COL23A1: variants seen among roughly 807,000 people sequenced by gnomAD.
COL23A1 encodes the protein collagen type XXIII alpha 1 chain, also known as collagen alpha-1(XXIII) chain.
A neutral mutation model predicts 99.3 loss-of-function variants in COL23A1; 97 were observed. The ratio of observed to expected loss-of-function variants is 0.98; its 90% CI spans 0.83 to 1.16. The LOEUF is 1.16. Ranked by LOEUF, COL23A1 falls within the 50% of genes most tolerant of loss-of-function variation. The pLI is 0.00. For missense variants in COL23A1, 762 were observed against 757.4 expected, an observed-to-expected ratio of 1.01 and a Z score of -0.07; for synonymous variants, 320 against 308.2, an observed-to-expected ratio of 1.04 and a Z score of -0.40.
chr5:178,252,608 G>C lies in COL23A1; in HGVS notation c.961-11C>G. On this transcript the variant is annotated splice_polypyrimidine_tract_variant and intron_variant, in intron 16 of 28. Transcript: ENST00000390654. Reference sequence around the variant, plus strand: ...TGGTCCGGGAGGCCCCTGTGTGTGAGAGTGAAGCCGGTCAGTGTCATGGGT... The same window carrying C: ...TGGTCCGGGAGGCCCCTGTGTGTGACAGTGAAGCCGGTCAGTGTCATGGGT... 1.2e-6 allele frequency: 2 copies of C among 1,606,822 alleles called. No homozygotes were observed. The highest frequency in any genetic ancestry group is 1.7e-6 in the Non-Finnish European group (2 of 1,176,752).
chr5:178,504,373 G>T (rs960638676), intron 2 of COL23A1, among the ~76,000 whole-genome samples: 1 of 152,220 alleles, frequency 6.6e-6, no homozygotes, highest in Non-Finnish European at 1.5e-5. Flanking sequence ...GACTCAGGAG[G>T]CCTGGCCTGG....
chr5:178,553,250 G>A (rs1361283536), intron 2 of COL23A1, among the ~76,000 whole-genome samples: 10 of 151,370 alleles, frequency 6.6e-5, no homozygotes, highest in Non-Finnish European at 1.5e-5. Context: ...CAGTAAGGCA[G>A]TAAACAGGCT....
At chr5:178,367,935 C>T (rs1389536915) in intron 2 of COL23A1, among the ~76,000 whole-genome samples, 2 of 152,078 alleles carry the variant, frequency 1.3e-5, no homozygotes, top group African/African-American at 4.8e-5. Context: ...AGGGCTGGGC[C>T]AGGTGGCAGG....
intron 9 of COL23A1, 65 bp downstream of exon 9, chr5:178,263,143 C>A: frequency 3.4e-6 from 4 of 1,169,504 alleles, no homozygotes; most frequent in Non-Finnish European, 5.2e-6. Flanking sequence ...ATGGGGCTGG[C>A]TCTGGAATCA....
intron 2 of COL23A1, among the ~76,000 whole-genome samples, chr5:178,318,441 G>A (rs1421187299): frequency 6.6e-6 from 1 of 152,222 alleles, no homozygotes; most frequent in East Asian, 1.9e-4. Context: ...GCTGAAGGGA[G>A]GACTGAGCAA....
intron 2 of COL23A1, among the ~76,000 whole-genome samples, chr5:178,324,793 C>T (rs1759550156): frequency 6.6e-6 from 1 of 152,202 alleles, no homozygotes; most frequent in Admixed American, 6.5e-5. Context: ...TCTCCCCACC[C>T]GCTAATCTCT....
intron 2 of COL23A1, among the ~76,000 whole-genome samples, chr5:178,503,373 T>C (rs1009394352): frequency 6.6e-6 from 1 of 152,078 alleles, no homozygotes; most frequent in African/African-American, 2.4e-5. Flanking sequence ...GTCAATGATG[T>C]AAAAGACAAA....
chr5:178,433,829 G>A (rs1437485615), intron 2 of COL23A1, among the ~76,000 whole-genome samples: 1 of 152,198 alleles, frequency 6.6e-6, no homozygotes, highest in African/African-American at 2.4e-5. Context: ...GGAGATTACT[G>A]TTTTTGGAGA....
rs534059888 is a variant in COL23A1, at chr5:178,516,436, C to T, written c.361+44246G>A. Reference sequence around the variant, plus strand: ...TCTCTCTGGTTTTAAGTTCACCTCTCCTGACCACAGTGTGAAAGGACAGAG... The same window carrying T: ...TCTCTCTGGTTTTAAGTTCACCTCTTCTGACCACAGTGTGAAAGGACAGAG... On this transcript the variant is annotated intron_variant, in intron 2 of 28. Coordinates refer to ENST00000390654, the MANE Select transcript of COL23A1 (RefSeq NM_173465.4). Among the ~76,000 whole-genome samples, 3 of 152,348 alleles carry T rather than the reference C, an allele frequency of 2.0e-5. No homozygotes were observed. The South Asian group carries it at 6.2e-4, about 32-fold the overall frequency.
intron 2 of COL23A1, among the ~76,000 whole-genome samples, chr5:178,556,162 T>C (rs1358262861): frequency 6.6e-6 from 1 of 151,920 alleles, no homozygotes; most frequent in African/African-American, 2.4e-5. Context: ...CCAGATTCTT[T>C]CCTGGACCAA....
At position 178,590,097 on chromosome 5, in the gene COL23A1, C is replaced by A; in HGVS notation, c.101G>T (p.Arg34Leu). Residue 34 changes from arginine (R) to leucine (L), a missense_variant, in exon 1 of 29, where the codon CGG becomes CTG. Physicochemically the swap from Arg to Leu is moderately radical, Grantham distance 102 (BLOSUM62 -2). Coordinates refer to ENST00000390654, the MANE Select transcript of COL23A1 (RefSeq NM_173465.4). The surrounding 1 kb of genome is among the most constrained non-coding windows in gnomAD (Gnocchi z 5.7). Reference sequence around the variant, plus strand: ...CAGCAGGCACAGCGCGCTCACCGCCCGGGACCCGGCCGTCGTCGCCGAGCG... The same window carrying A: ...CAGCAGGCACAGCGCGCTCACCGCCAGGGACCCGGCCGTCGTCGCCGAGCG... ...GGRSATTAGS[R>L]AVSALCLLLS... The A allele has an allele frequency of 7.9e-7, 1 of 1,271,576 alleles. No individual in the cohort carries two copies. The highest frequency in any genetic ancestry group is 9.9e-7 in the Non-Finnish European group (1 of 1,009,082). The allele number at this position is 1,271,576 out of a possible 1,614,324, so 78.8% of individuals were successfully genotyped here.
intron 2 of COL23A1, among the ~76,000 whole-genome samples, chr5:178,445,281 TG>T (rs1413185127): frequency 2.0e-5 from 3 of 152,348 alleles, no homozygotes; most frequent in Non-Finnish European, 4.4e-5. Flanking sequence ...TTTTTTATAC[TG>T]GGGTCTGTTT....
intron 2 of COL23A1, among the ~76,000 whole-genome samples, chr5:178,318,907 A>G (rs1759127813): frequency 6.6e-6 from 1 of 151,798 alleles, no homozygotes; most frequent in Admixed American, 6.6e-5. Context: ...ATCTCCAAAA[A>G]AAAAAAAAAG....
intron 1 of COL23A1, among the ~76,000 whole-genome samples, chr5:178,581,288 G>A (rs1174904260): frequency 6.6e-6 from 1 of 152,160 alleles, no homozygotes; most frequent in Non-Finnish European, 1.5e-5. Context: ...AAACGAGGCT[G>A]AGCGTGGTGG....
chr5:178,565,875 G>A (rs1465852248), intron 1 of COL23A1, among the ~76,000 whole-genome samples: 1 of 151,732 alleles, frequency 6.6e-6, no homozygotes, highest in Non-Finnish European at 1.5e-5. Flanking sequence ...CACTTTGGGA[G>A]GCCGAGGCAG....
At chr5:178,479,869 C>A (rs951493497) in intron 2 of COL23A1, among the ~76,000 whole-genome samples, 1 of 152,148 alleles carries the variant, frequency 6.6e-6, no homozygotes, top group Non-Finnish European at 1.5e-5. Context: ...ATTGTGTGAA[C>A]ATCATAGAGT....
At chr5:178,497,310 G>A (rs1335315902) in intron 2 of COL23A1, among the ~76,000 whole-genome samples, 1 of 152,182 alleles carries the variant, frequency 6.6e-6, no homozygotes, top group African/African-American at 2.4e-5. Context: ...AAACTGGGCT[G>A]GAATGTCCAG....
chr5:178,326,876 C>G (rs971302523), intron 2 of COL23A1, among the ~76,000 whole-genome samples: 2 of 152,198 alleles, frequency 1.3e-5, no homozygotes, highest in Non-Finnish European at 1.5e-5. Flanking sequence ...CCTGCCACCA[C>G]GCCTGGCTAA....
At chr5:178,466,392 C>G (rs1032756246) in intron 2 of COL23A1, among the ~76,000 whole-genome samples, 9 of 152,208 alleles carry the variant, frequency 5.9e-5, no homozygotes, top group African/African-American at 2.2e-4. Flanking sequence ...AAAGCCGTCA[C>G]AAAAGCAAGC....
Sources: gnomAD v4.1 joint callset for allele counts (sites outside exome capture counted in the v4.1 genomes callset) on GRCh38, gnomAD v4.1.1 for gene constraint, Gnocchi (gnomAD v3.1) non-coding constraint, MANE v1.5 for transcripts, NCBI Gene and HGNC (gene_info 2026-07-23, HGNC 2026-07-21) for gene names.